Variants in ZFAT observed in about 807,000 individuals in gnomAD.
ZFAT encodes zinc finger protein ZFAT.
ZFAT carries 64 observed loss-of-function variants against 117.7 expected under a neutral mutation model. The observed-to-expected ratio is 0.54, with a 90% CI of 0.44 to 0.67. ZFAT has a LOEUF of 0.67. Ranked by LOEUF, ZFAT falls within the 30% of genes least tolerant of loss-of-function variation. The probability of loss-of-function intolerance (pLI) is 0.00; values close to 1 mark genes in which losing one functional copy is unlikely to be tolerated. For missense variants in ZFAT, 1,433 were observed against 1,584.5 expected (o/e 0.90, Z 1.62); for synonymous variants, 679 against 615.0 (o/e 1.10, Z -1.54).
chr8:134,481,803 C>G (rs1817327914), intron 15 of ZFAT, among the ~76,000 whole-genome samples: 1 of 152,216 alleles, frequency 6.6e-6, no homozygotes, highest in African/African-American at 2.4e-5. Flanking sequence ...GTTAGTAACT[C>G]TGCAGCAGCA....
At chr8:134,513,527 T>C (rs961460137) in intron 13 of ZFAT, among the ~76,000 whole-genome samples, 14 of 152,160 alleles carry the variant, frequency 9.2e-5, no homozygotes, top group Non-Finnish European at 1.5e-5. Context: ...CTACAAGAAA[T>C]ATATTTGCAC....
rs752804402 is a variant in ZFAT at position 134,520,990 on chromosome 8, A to T, written c.3127T>A (p.Cys1043Ser). 1.2e-6 allele frequency: 2 copies of T among 1,613,010 alleles called. No homozygotes were observed. The highest frequency in any genetic ancestry group is 1.7e-6 in the Non-Finnish European group (2 of 1,179,554). ...CCATATACAAAGCTGCAAACAGGAC[A>T]CTTCAAACCACCTGAAAGCACAGAC... ...EVLIQQGGLK[C>S]PVCSFVYGTK... Residue 1043 changes from cysteine to serine, a missense_variant, in exon 13 of 16, where the codon TGT (cysteine) becomes AGT (serine). By Grantham distance (112) the Cys-to-Ser change is moderately radical. This residue lies in a region of ZFAT where 503 missense variants were observed against 543.4 expected (regional missense o/e 0.93). Coordinates refer to ENST00000377838, the MANE Select transcript of ZFAT (RefSeq NM_020863.4).
At position 134,601,763 on chromosome 8, in the gene ZFAT, G is replaced by C; in HGVS notation, c.1956C>G (p.Ser652Arg). The change falls in exon 6 of 16, where the codon AGC becomes AGG. Residue 652 changes from serine to arginine, a missense_variant. Ser to Arg is a moderately radical substitution (Grantham distance 110). Around this residue, in one of 5 missense-constraint regions of ZFAT, gnomAD observed 372 missense variants for 355.6 expected, o/e 1.05. Coordinates refer to ENST00000377838, the MANE Select transcript of ZFAT (RefSeq NM_020863.4). The stretch of plus-strand genomic sequence containing the variant: ...CCATGTTCTGCCCTTCCCCTAGGGG[G>C]CTCTGGGCGCCATGGCTTTCCTGAT... ...GSDQESHGAQ[S>R]PLGEGQNMAV... 2 of 1,613,834 alleles carry C rather than the reference G, an allele frequency of 1.2e-6. No individual in the cohort carries two copies. The highest frequency in any genetic ancestry group is 1.7e-6 in the Non-Finnish European group (2 of 1,179,940).
the ZFAT span, among the ~76,000 whole-genome samples, chr8:134,827,345 T>C: frequency 6.6e-6 from 1 of 152,194 alleles, no homozygotes; most frequent in Admixed American, 6.5e-5. Flanking sequence ...ACGCCTGGCC[T>C]GAACTCAGCC....
At chr8:134,808,758 T>G in the ZFAT span, among the ~76,000 whole-genome samples, 1 of 152,206 alleles carries the variant, frequency 6.6e-6, no homozygotes, top group African/African-American at 2.4e-5. Flanking sequence ...ATTTTTACAG[T>G]GATAACTGAG....
chr8:134,733,153 A>AATTAGGTG, the ZFAT span, among the ~76,000 whole-genome samples: 1 of 152,198 alleles, frequency 6.6e-6, no homozygotes, highest in Non-Finnish European at 1.5e-5. Flanking sequence ...ATGCTATAAA[A>AATTAGGTG]ATTAGGTGAA....
At chr8:134,819,831 T>C in the ZFAT span, among the ~76,000 whole-genome samples, 1 of 152,152 alleles carries the variant, frequency 6.6e-6, no homozygotes, top group Non-Finnish European at 1.5e-5. Flanking sequence ...CTTCTGAACC[T>C]TGGCCATGTA....
the ZFAT span, among the ~76,000 whole-genome samples, chr8:134,787,942 A>G: frequency 1.3e-5 from 2 of 152,118 alleles, no homozygotes; most frequent in African/African-American, 2.4e-5. Flanking sequence ...AGTGACCTTG[A>G]TAAGTTATTT....
intron 15 of ZFAT, among the ~76,000 whole-genome samples, chr8:134,490,394 C>T (rs1050531175): frequency 1.3e-5 from 2 of 152,190 alleles, no homozygotes; most frequent in African/African-American, 4.8e-5. Flanking sequence ...GGTTCAACCA[C>T]GAAGAGGACT....
chr8:134,767,970 C>A, the ZFAT span, among the ~76,000 whole-genome samples: 1 of 152,302 alleles, frequency 6.6e-6, no homozygotes, highest in South Asian at 2.1e-4. Flanking sequence ...TATAACAGAT[C>A]TTCTCCACTG....
At chr8:134,655,256 G>A (rs749473658) in intron 2 of ZFAT, among the ~76,000 whole-genome samples, 1 of 152,242 alleles carries the variant, frequency 6.6e-6, no homozygotes, top group African/African-American at 2.4e-5. Context: ...CTGGTTAGGC[G>A]TGGAAGGGTG....
chr8:134,624,840 T>C (rs1238231563), intron 3 of ZFAT, among the ~76,000 whole-genome samples: 2 of 152,200 alleles, frequency 1.3e-5, no homozygotes, highest in Non-Finnish European at 1.5e-5. Flanking sequence ...AATCACACAT[T>C]TGTAGAAATT....
chr8:134,697,268 C>T (rs966094787), intron 1 of ZFAT, among the ~76,000 whole-genome samples: 1 of 152,078 alleles, frequency 6.6e-6, no homozygotes, highest in African/African-American at 2.4e-5. Flanking sequence ...CACCCGCCAC[C>T]ATGCCCAGCT....
At chr8:134,686,008 C>T (rs1833302895) in intron 1 of ZFAT, among the ~76,000 whole-genome samples, 1 of 152,188 alleles carries the variant, frequency 6.6e-6, no homozygotes. Flanking sequence ...AACACACATC[C>T]TTGGCCCAGG....
chr8:134,564,981 A>G, intron 11 of ZFAT: 1 of 1,249,932 alleles, frequency 8.0e-7, no homozygotes, highest in Non-Finnish European at 1.0e-6. Context: ...TTATCGGGTG[A>G]CTCACCTGCA....
At chr8:134,805,641 C>A in the ZFAT span, among the ~76,000 whole-genome samples, 541 of 152,296 alleles carry the variant, frequency 3.6e-3, 9 homozygotes, top group African/African-American at 0.012. Context: ...ATAAGTAAAT[C>A]TGCATTCCAT....
chr8:134,697,012 G>T (rs1833874957), intron 1 of ZFAT, among the ~76,000 whole-genome samples: 1 of 151,866 alleles, frequency 6.6e-6, no homozygotes, highest in Non-Finnish European at 1.5e-5. Context: ...CCGCCCACCA[G>T]GTTCAAGCGA....
intron 1 of ZFAT, among the ~76,000 whole-genome samples, chr8:134,680,023 A>G (rs1325200247): frequency 1.3e-5 from 2 of 152,016 alleles, no homozygotes; most frequent in Admixed American, 1.3e-4. Flanking sequence ...GCAAACCACC[A>G]TGGTACATGT....
chr8:134,659,022 C>T (rs1831795007), intron 1 of ZFAT, among the ~76,000 whole-genome samples: 1 of 152,244 alleles, frequency 6.6e-6, no homozygotes, highest in African/African-American at 2.4e-5. Context: ...GCAATCCACA[C>T]CTGGCTCCCT....
Sources: allele counts gnomAD v4.1 joint callset (sites outside exome capture counted in the v4.1 genomes callset), GRCh38; gene constraint gnomAD v4.1.1; regional missense constraint gnomAD v4.1.1; transcripts MANE v1.5; gene names NCBI Gene and HGNC (gene_info 2026-07-23, HGNC 2026-07-21).